ANKHD1: variants seen among roughly 807,000 people sequenced by gnomAD.
ANKHD1 encodes ankyrin repeat and KH domain-containing protein 1.
Under a neutral mutation model 230.5 loss-of-function variants are expected in ANKHD1, and 31 were observed. The ratio of observed to expected loss-of-function variants is 0.13; its 90% confidence interval spans 0.10 to 0.18. The LOEUF is 0.18. Among genes scored for constraint, ANKHD1 ranks in the 10% least tolerant of loss-of-function variants. ANKHD1 has a pLI of 1.00. For synonymous variants in ANKHD1, 1,074 were observed against 1,117.6 expected, an observed-to-expected ratio of 0.96 and a Z score of 0.78; for missense variants, 2,256 against 3,071.3, an observed-to-expected ratio of 0.73 and a Z score of 6.27.
intron 1 of ANKHD1, among the ~76,000 whole-genome samples, chr5:140,412,159 C>CA (rs1770986496): frequency 6.6e-6 from 1 of 152,118 alleles, no homozygotes; most frequent in African/African-American, 2.4e-5. Context: ...GCCTTAGCCT[C>CA]CCAAGTAGCT....
At position 140,528,932 on chromosome 5, in the gene ANKHD1, A is replaced by G. The variant is rs368415796; in HGVS notation, c.5986A>G (p.Ser1996Gly). 34 of 1,614,078 alleles carry G rather than the reference A, an allele frequency of 2.1e-5. No homozygotes were observed. The African/African-American group carries it at 4.1e-4, about 20-fold the overall frequency. ...LPSVSSAPIT[S>G]GQAPTTFLPA... is the part of the protein sequence containing the mutation. ...TTCTGTCTCCTCTGCACCTATCACT[A>G]GCGGGCAAGCTCCCACCACATTTCT... Residue 1996 changes from serine (S) to glycine (G), a missense_variant, in exon 29 of 34, where the codon AGC becomes GGC. Physicochemically the swap from Ser to Gly is moderately conservative, Grantham distance 56 (BLOSUM62 0). This residue lies in a region of ANKHD1 where 778 missense variants were observed against 966.5 expected (regional missense o/e 0.80). Transcript: ENST00000360839.
chr5:140,414,856 T>G (rs1269910681), intron 1 of ANKHD1, among the ~76,000 whole-genome samples: 1 of 150,110 alleles, frequency 6.7e-6, no homozygotes, highest in African/African-American at 2.4e-5. Context: ...AAAAAAATTG[T>G]GTTGTTTGTT....
At chr5:140,484,725 C>CT (rs1266809678) in intron 11 of ANKHD1, 3 of 153,594 alleles carry the variant, frequency 2.0e-5, no homozygotes, top group African/African-American at 7.2e-5. Context: ...CGAACTACAG[C>CT]TTCATGCAAC....
chr5:140,473,564 C>G (rs555265977), intron 10 of ANKHD1, among the ~76,000 whole-genome samples: 27 of 152,194 alleles, frequency 1.8e-4, no homozygotes, highest in Middle Eastern at 6.8e-3. Flanking sequence ...CCTCAGCCTC[C>G]CCAGTAGCTG....
intron 1 of ANKHD1, among the ~76,000 whole-genome samples, chr5:140,429,639 A>T (rs1772869392): frequency 6.6e-6 from 1 of 152,158 alleles, no homozygotes; most frequent in Non-Finnish European, 1.5e-5. Context: ...TATGTAATGT[A>T]CATGTTTTAT....
intron 10 of ANKHD1, among the ~76,000 whole-genome samples, chr5:140,469,703 A>C (rs1383323175): frequency 2.6e-5 from 4 of 152,154 alleles, no homozygotes; most frequent in South Asian, 4.1e-4. Context: ...AAGGACAAGG[A>C]GAGTAATATA....
Position 140,507,489 on chromosome 5 carries a change from T to A in ANKHD1, c.3552-296T>A, listed in dbSNP as rs976832216. 3.3e-5 allele frequency among the ~76,000 whole-genome samples: 5 copies of A among 152,130 alleles called. No individual in the cohort carries two copies. Among genetic ancestry groups the A allele is most frequent in the African/African-American group, 1.2e-4 (5 of 41,442 alleles). ...CACCCAGCTAATTTTGTATTTGTAGTAGAGATGGGGTTTCTCCATGTTGGT... is the reference window on the plus strand; with the variant it reads ...CACCCAGCTAATTTTGTATTTGTAGAAGAGATGGGGTTTCTCCATGTTGGT... On this transcript the variant is annotated intron_variant, in intron 19 of 33. Coordinates refer to ENST00000360839, the MANE Select transcript of ANKHD1 (RefSeq NM_017747.3). This position sits in a 1 kb window ranked among gnomAD's most constrained non-coding sequence, Gnocchi z 4.1.
At chr5:140,423,996 T>C (rs1164353574) in intron 1 of ANKHD1, among the ~76,000 whole-genome samples, 1 of 152,202 alleles carries the variant, frequency 6.6e-6, no homozygotes, top group African/African-American at 2.4e-5. Context: ...CCTTCCCATT[T>C]CGTAGATAAA....
At chr5:140,425,688 A>G (rs555237827) in intron 1 of ANKHD1, among the ~76,000 whole-genome samples, 3 of 152,114 alleles carry the variant, frequency 2.0e-5, no homozygotes, top group African/African-American at 7.2e-5. Context: ...GTATTTTAAG[A>G]TGTTTTTGCT....
Position 140,459,363 on chromosome 5 carries a change from G to A in ANKHD1, c.1672+8G>A. The A allele has an allele frequency of 6.5e-7, 1 of 1,539,056 alleles. No individual in the cohort carries two copies. The highest frequency in any genetic ancestry group is 8.8e-7 in the Non-Finnish European group (1 of 1,135,434). The stretch of plus-strand genomic sequence containing the variant: ...AATATTTGCTGGCTTCTGGTATGTG[G>A]CTTTAAGATGCCTTATTGCTCAGAA... On this transcript the variant is annotated splice_region_variant and intron_variant, in intron 9 of 33. Transcript: ENST00000360839.
intron 21 of ANKHD1, 56 bp from the exon 22 acceptor site, chr5:140,509,963 A>G: frequency 6.4e-7 from 1 of 1,553,252 alleles, no homozygotes; most frequent in South Asian, 1.2e-5. Context: ...AGAGAAAACT[A>G]GAAAAAGCCA....
In ANKHD1 at chr5:140,528,618, T is replaced by G; in HGVS notation, c.5672T>G (p.Phe1891Cys). 1 of 1,614,144 alleles carries G rather than the reference T, an allele frequency of 6.2e-7. No homozygotes were observed. Among genetic ancestry groups the G allele is most frequent in the Non-Finnish European group, 8.5e-7 (1 of 1,180,036 alleles). ...CCTTCTCCTAACACATGGGGACCATTCCCAGTGAGACCTGTGAATCCTGGC... is the reference window on the plus strand; with the variant it reads ...CCTTCTCCTAACACATGGGGACCATGCCCAGTGAGACCTGTGAATCCTGGC... ...FSPSPNTWGP[F>C]PVRPVNPGNT... Residue 1891 changes from phenylalanine (F) to cysteine (C), a missense_variant, in exon 29 of 34, where the codon TTC (phenylalanine) becomes TGC (cysteine). Phe to Cys is a radical substitution (Grantham distance 205). Transcript: ENST00000360839.
chr5:140,513,771 T>A (rs544674608), intron 24 of ANKHD1, among the ~76,000 whole-genome samples: 2 of 146,490 alleles, frequency 1.4e-5, no homozygotes, highest in South Asian at 4.3e-4. Context: ...ATCGTGCCAC[T>A]GCACTCCAGC....
At chr5:140,478,100 A>G (rs539482835) in intron 10 of ANKHD1, among the ~76,000 whole-genome samples, 1 of 152,184 alleles carries the variant, frequency 6.6e-6, no homozygotes, top group Non-Finnish European at 1.5e-5. Context: ...ACAATAGCAC[A>G]AAGGAAGAAG....
intron 1 of ANKHD1, among the ~76,000 whole-genome samples, chr5:140,433,063 C>CA (rs1231886409): frequency 2.7e-4 from 40 of 147,772 alleles, no homozygotes; most frequent in African/African-American, 3.2e-4. Flanking sequence ...TTCCCCCCCC[C>CA]AAAAAAAAAA....
At chr5:140,518,737 A>T (rs1403914919) in intron 24 of ANKHD1, among the ~76,000 whole-genome samples, 1 of 152,068 alleles carries the variant, frequency 6.6e-6, no homozygotes, top group Admixed American at 6.6e-5. Flanking sequence ...AAATTCAACA[A>T]CCCTTCATGC....
intron 1 of ANKHD1, among the ~76,000 whole-genome samples, chr5:140,418,213 C>CA (rs1384877671): frequency 6.7e-6 from 1 of 149,430 alleles, no homozygotes; most frequent in Admixed American, 6.8e-5. Flanking sequence ...GTGGCACAGT[C>CA]ACGGTTCACT....
chr5:140,520,698 ATAT>A (rs903438951), intron 24 of ANKHD1, among the ~76,000 whole-genome samples: 2 of 149,256 alleles, frequency 1.3e-5, no homozygotes, highest in African/African-American at 4.9e-5. Context: ...CAAACACCGC[ATAT>A]TCTCACTCAT....
chr5:140,496,455 T>C (rs1752044384), intron 14 of ANKHD1, 65 bp from the exon 15 acceptor site: 5 of 1,121,202 alleles, frequency 4.5e-6, no homozygotes, highest in Non-Finnish European at 4.6e-6. Flanking sequence ...TTTTTTTTTT[T>C]CTTTTCTTTT....
Sources: allele counts gnomAD v4.1 joint callset (sites outside exome capture counted in the v4.1 genomes callset), GRCh38; gene constraint gnomAD v4.1.1; regional missense constraint gnomAD v4.1.1; non-coding constraint Gnocchi (gnomAD v3.1); transcripts MANE v1.5; gene names NCBI Gene and HGNC (gene_info 2026-07-23, HGNC 2026-07-21).